Variants in MSRA observed in about 807,000 individuals in gnomAD.
The protein encoded by MSRA is methionine sulfoxide reductase A.
A neutral mutation model predicts 31.3 loss-of-function variants in MSRA; 54 were observed. The observed-to-expected ratio is 1.73, with a 90% CI of 1.39 to 2.17. MSRA has a LOEUF of 2.17. Ranked by LOEUF, MSRA falls within the 30% of genes most tolerant of loss-of-function variation. The pLI is 0.00. For missense variants in MSRA, 507 were observed against 300.9 expected (o/e 1.69, Z -5.07); for synonymous variants, 169 against 116.5 (o/e 1.45, Z -2.90).
At chr8:10,078,339 G>A (rs983894218) in intron 1 of MSRA, among the ~76,000 whole-genome samples, 3 of 152,240 alleles carry the variant, frequency 2.0e-5, no homozygotes, top group African/African-American at 7.2e-5. Flanking sequence ...AGGTGTGTAT[G>A]AATGGTTGGT....
intron 2 of MSRA, among the ~76,000 whole-genome samples, chr8:10,208,845 C>A (rs1031358241): frequency 6.6e-6 from 1 of 152,208 alleles, no homozygotes; most frequent in Admixed American, 6.5e-5. Flanking sequence ...TGATGGTAAT[C>A]TCCTTTGAGG....
Position 10,054,648 on chromosome 8 carries a change from C to A in MSRA, c.132C>A (p.Thr44=). ...CCTTGCCGGGCCGGAAGGAACAGAC[C>A]CCTGTAGCGGGTAAGCACTGGCCAC... is the stretch of plus-strand genomic sequence containing the variant. ...QEALPGRKEQ[T]PVAAKHHVNG... Residue 44 remains threonine, a synonymous_variant, in exon 1 of 6, where the codon ACC becomes ACA. Coordinates refer to ENST00000317173, the MANE Select transcript of MSRA (RefSeq NM_012331.5). 6.4e-7 allele frequency: 1 copy of A among 1,566,060 alleles called. No individual in the cohort carries two copies. Among genetic ancestry groups the A allele is most frequent in the South Asian group, 1.2e-5 (1 of 86,684 alleles).
chr8:10,118,163 T>C (rs1800821073), intron 1 of MSRA, among the ~76,000 whole-genome samples: 1 of 152,166 alleles, frequency 6.6e-6, no homozygotes, highest in Non-Finnish European at 1.5e-5. Context: ...GATTCCTCTT[T>C]CTCATGTTGG....
At chr8:10,149,407 A>G (rs1395558800) in intron 1 of MSRA, among the ~76,000 whole-genome samples, 1 of 152,178 alleles carries the variant, frequency 6.6e-6, no homozygotes, top group East Asian at 1.9e-4. Context: ...TACAGGCGTG[A>G]GCCACCGCGC....
chr8:10,055,672 C>T (rs2293090), intron 1 of MSRA, among the ~76,000 whole-genome samples: 5,211 of 152,370 alleles, frequency 0.034, 138 homozygotes, highest in South Asian at 0.12. Flanking sequence ...TTAATCTACA[C>T]ATGGCTCAAT....
intron 5 of MSRA, among the ~76,000 whole-genome samples, chr8:10,322,389 G>C (rs4460417): frequency 1.2e-3 from 184 of 152,128 alleles, no homozygotes; most frequent in African/African-American, 4.2e-3. Context: ...GTGGGAGGGA[G>C]GGATATTTAG....
chr8:10,239,182 A>G (rs1399955943), intron 2 of MSRA, among the ~76,000 whole-genome samples: 1 of 151,664 alleles, frequency 6.6e-6, no homozygotes, highest in East Asian at 1.9e-4. Flanking sequence ...TTTTTTTTTA[A>G]GATGGAGTTT....
intron 1 of MSRA, among the ~76,000 whole-genome samples, chr8:10,083,425 A>C (rs1798389032): frequency 6.6e-6 from 1 of 152,204 alleles, no homozygotes; most frequent in African/African-American, 2.4e-5. Flanking sequence ...AATCCATCTG[A>C]TTTTGATCCA....
intron 1 of MSRA, chr8:10,058,878 T>C (rs142984623): frequency 2.0e-5 from 3 of 152,360 alleles, no homozygotes; most frequent in South Asian, 2.1e-4. Flanking sequence ...ATTTATACTT[T>C]GTAAGAAGGT....
chr8:10,343,433 T>C (rs986283546), intron 5 of MSRA, among the ~76,000 whole-genome samples: 4 of 152,226 alleles, frequency 2.6e-5, no homozygotes, highest in African/African-American at 9.6e-5. Flanking sequence ...TTGAATAACC[T>C]GCAGCATGAT....
At chr8:10,271,349 G>T (rs1160254616) in intron 3 of MSRA, among the ~76,000 whole-genome samples, 2 of 152,152 alleles carry the variant, frequency 1.3e-5, no homozygotes, top group African/African-American at 2.4e-5. Context: ...TTAAATATAT[G>T]AGTGTGTTTT....
chr8:10,186,073 G>A (rs1807023642), intron 1 of MSRA, among the ~76,000 whole-genome samples: 1 of 152,090 alleles, frequency 6.6e-6, no homozygotes, highest in Non-Finnish European at 1.5e-5. Context: ...GCCTCTTACT[G>A]ATCCTTACCG....
At chr8:10,274,165 GAGTTAATA>G (rs1262021267) in intron 3 of MSRA, among the ~76,000 whole-genome samples, 1 of 152,216 alleles carries the variant, frequency 6.6e-6, no homozygotes, top group African/African-American at 2.4e-5. Context: ...GTTTGGAGCA[GAGTTAATA>G]ACTGGAACTC....
chr8:10,344,602 A>G (rs1803654510), intron 5 of MSRA, among the ~76,000 whole-genome samples: 2 of 142,334 alleles, frequency 1.4e-5, no homozygotes, highest in Non-Finnish European at 3.1e-5. Flanking sequence ...AAAAAAAAAA[A>G]AGCCAGCCAT....
chr8:10,279,424 A>G (rs550959536), intron 3 of MSRA, among the ~76,000 whole-genome samples: 1 of 152,294 alleles, frequency 6.6e-6, no homozygotes, highest in South Asian at 2.1e-4. Context: ...TTTGTCTAAG[A>G]GATAACAACT....
intron 2 of MSRA, among the ~76,000 whole-genome samples, chr8:10,216,041 C>G (rs188462233): frequency 1.3e-5 from 2 of 152,134 alleles, no homozygotes; most frequent in Non-Finnish European, 2.9e-5. Context: ...AAAAGTTACT[C>G]ATTATTAAAT....
intron 2 of MSRA, among the ~76,000 whole-genome samples, chr8:10,242,539 AAT>A (rs765928137): frequency 2.6e-5 from 4 of 152,134 alleles, no homozygotes; most frequent in Non-Finnish European, 5.9e-5. Context: ...AGTGCATTGA[AAT>A]ATATGTTTGT....
At chr8:10,262,444 T>C (rs911780326) in intron 3 of MSRA, among the ~76,000 whole-genome samples, 1 of 152,252 alleles carries the variant, frequency 6.6e-6, no homozygotes, top group Non-Finnish European at 1.5e-5. Context: ...ATCTCCTTAT[T>C]GTTTTAATTT....
At position 10,300,976 on chromosome 8, in the gene MSRA, AC is replaced by A. The variant is rs760509840; in HGVS notation, c.332-555del. 7.4e-4 allele frequency among the ~76,000 whole-genome samples: 112 copies of A among 151,988 alleles called. 2 individuals carry two copies. The highest frequency in any genetic ancestry group is 2.1e-3 in the Admixed American group (32 of 15,278). ...GAATTAGGCTGGGAAAACACTTACC[AC>A]CCTGCTGGGTATTTAAATCTGACCC... On this transcript the variant is annotated intron_variant, in intron 3 of 5. Coordinates refer to ENST00000317173, the MANE Select transcript of MSRA (RefSeq NM_012331.5).
Sources: gnomAD v4.1 joint callset for allele counts (sites outside exome capture counted in the v4.1 genomes callset) on GRCh38, gnomAD v4.1.1 for gene constraint, MANE v1.5 for transcripts, NCBI Gene and HGNC (gene_info 2026-07-23, HGNC 2026-07-21) for gene names.